BMPR1A: variants seen among roughly 807,000 people sequenced by gnomAD.
BMPR1A encodes bone morphogenetic protein receptor type-1A.
Under a neutral mutation model 66.0 loss-of-function variants are expected in BMPR1A, and 7 were observed. That is an observed-to-expected ratio of 0.11 (90% CI 0.06 to 0.20). The LOEUF (loss-of-function observed/expected upper bound fraction) is 0.20, where lower values mean the gene tolerates loss of function less well. Among genes scored for constraint, BMPR1A ranks in the 10% least tolerant of loss-of-function variants. The pLI is 1.00. For synonymous variants in BMPR1A, 200 were observed against 229.7 expected (o/e 0.87, Z 1.17); for missense variants, 408 against 669.1 (o/e 0.61, Z 4.31).
chr10:86,878,838 T>G (rs1175648436), intron 3 of BMPR1A, among the ~76,000 whole-genome samples: 3 of 152,168 alleles, frequency 2.0e-5, no homozygotes, highest in Non-Finnish European at 4.4e-5. Context: ...GGGCTGGGTG[T>G]GTTGTTCCCC....
chr10:86,915,597 C>T (rs776224484), intron 8 of BMPR1A, among the ~76,000 whole-genome samples: 5 of 152,172 alleles, frequency 3.3e-5, no homozygotes, highest in African/African-American at 1.2e-4. Flanking sequence ...GACGTGGTGG[C>T]AGATGCCTGT....
At chr10:86,854,109 G>A (rs1245219411) in intron 2 of BMPR1A, among the ~76,000 whole-genome samples, 7 of 152,162 alleles carry the variant, frequency 4.6e-5, no homozygotes, top group Admixed American at 2.0e-4. Context: ...CTCTTTCCCA[G>A]GGATGTTCCT....
rs1029814109 is a variant in BMPR1A at position 86,858,291 on chromosome 10, T to C, written c.-152-17576T>C. Among the ~76,000 whole-genome samples, 6 of 152,206 alleles carry C rather than the reference T, an allele frequency of 3.9e-5. No individual in the cohort carries two copies. The South Asian group carries it at 8.3e-4, about 21-fold the overall frequency. ...AAATTTATAATTAATTTAGGAACAGTTGACATACCTTATATTGAAGCTTTC... is the reference window on the plus strand; with the variant it reads ...AAATTTATAATTAATTTAGGAACAGCTGACATACCTTATATTGAAGCTTTC... On this transcript the variant is annotated intron_variant, in intron 2 of 12. Transcript: ENST00000372037.
At chr10:86,922,561 GA>G (rs1455935895) in intron 11 of BMPR1A, among the ~76,000 whole-genome samples, 5 of 152,206 alleles carry the variant, frequency 3.3e-5, no homozygotes, top group Admixed American at 1.3e-4. Context: ...TTATCCCAGT[GA>G]AAGGATACAA....
chr10:86,835,590 G>GTT (rs1842335456), intron 1 of BMPR1A, among the ~76,000 whole-genome samples: 2 of 90,554 alleles, frequency 2.2e-5, no homozygotes, highest in South Asian at 3.2e-4. Flanking sequence ...AAAAAAAAAG[G>GTT]TGTTTTGGCC....
intron 3 of BMPR1A, among the ~76,000 whole-genome samples, chr10:86,887,834 G>A (rs1006221207): frequency 3.3e-5 from 5 of 152,140 alleles, no homozygotes; most frequent in African/African-American, 1.2e-4. Flanking sequence ...TAGCCTTATA[G>A]AGTAAATGAA....
At chr10:86,814,816 T>TA (rs1198837492) in intron 1 of BMPR1A, among the ~76,000 whole-genome samples, 2 of 152,130 alleles carry the variant, frequency 1.3e-5, no homozygotes, top group Non-Finnish European at 2.9e-5. Context: ...GACGGAGTCT[T>TA]ACTCTGTCGC....
At chr10:86,804,233 TG>T (rs1841852793) in intron 1 of BMPR1A, among the ~76,000 whole-genome samples, 4 of 152,164 alleles carry the variant, frequency 2.6e-5, no homozygotes, top group African/African-American at 9.6e-5. Flanking sequence ...TTAGTAGTTT[TG>T]TATCACATAG....
At chr10:86,800,499 C>T (rs1841797037) in intron 1 of BMPR1A, among the ~76,000 whole-genome samples, 1 of 152,204 alleles carries the variant, frequency 6.6e-6, no homozygotes, top group Admixed American at 6.5e-5. Context: ...TCAAGCGATT[C>T]TTCTGCCTCA....
At chr10:86,772,272 A>G (rs1346694570) in intron 1 of BMPR1A, among the ~76,000 whole-genome samples, 1 of 151,826 alleles carries the variant, frequency 6.6e-6, no homozygotes, top group Non-Finnish European at 1.5e-5. Flanking sequence ...CTGGGACTAC[A>G]GGCGTCCTCC....
intron 1 of BMPR1A, among the ~76,000 whole-genome samples, chr10:86,793,365 GTT>G (rs34602581): frequency 7.8e-5 from 11 of 141,558 alleles, no homozygotes; most frequent in Admixed American, 7.0e-5. Flanking sequence ...CTCACTGACA[GTT>G]TTTTTTTTTT....
chr10:86,821,145 T>C (rs1235062977), intron 1 of BMPR1A, among the ~76,000 whole-genome samples: 2 of 152,330 alleles, frequency 1.3e-5, no homozygotes, highest in African/African-American at 4.8e-5. Context: ...TGGCATAACA[T>C]TTGTAGTTAC....
At chr10:86,791,201 C>T (rs1014599954) in intron 1 of BMPR1A, among the ~76,000 whole-genome samples, 3 of 148,726 alleles carry the variant, frequency 2.0e-5, no homozygotes, top group African/African-American at 7.4e-5. Context: ...ATGAGCAAGC[C>T]TTCTCAGTGC....
Position 86,883,549 on chromosome 10 carries a change from C to CAAA in BMPR1A, c.68-6494_68-6492dup, listed in dbSNP as rs71019436. Among the ~76,000 whole-genome samples, 30 of 45,376 alleles carry CAAA rather than the reference C, an allele frequency of 6.6e-4. 2 individuals carry two copies. Among genetic ancestry groups the CAAA allele is most frequent in the East Asian group, 1.7e-3 (2 of 1,190 alleles). The allele number at this position is 45,376 out of a possible 152,430, so 29.8% of individuals were successfully genotyped here. A position where few individuals can be genotyped will look rare whatever the true frequency, so the allele number is the denominator to read the frequency against. On this transcript the variant is annotated intron_variant, in intron 3 of 12. Transcript: ENST00000372037. ...TGGGCGACAGAGCGAGACTCCGTCT[C>CAAA]AAAAAAAAAAAAAAAAAAAAAGACC...
At chr10:86,805,373 C>G (rs1841874201) in intron 1 of BMPR1A, among the ~76,000 whole-genome samples, 1 of 138,066 alleles carries the variant, frequency 7.2e-6, no homozygotes. Context: ...TTCACTCCTA[C>G]CTGTACACAC....
intron 7 of BMPR1A, among the ~76,000 whole-genome samples, chr10:86,907,427 C>T (rs2133508217): frequency 1.3e-5 from 2 of 152,240 alleles, no homozygotes; most frequent in South Asian, 4.1e-4. Context: ...GTGTGGAGGT[C>T]CCTCAAAAAA....
intron 1 of BMPR1A, among the ~76,000 whole-genome samples, chr10:86,772,111 G>A (rs1296327120): frequency 2.0e-5 from 3 of 146,428 alleles, no homozygotes; most frequent in Non-Finnish European, 4.5e-5. Context: ...TTTAATTGGC[G>A]ATGGTCAGAG....
At chr10:86,790,438 G>T (rs1841599152) in intron 1 of BMPR1A, among the ~76,000 whole-genome samples, 3 of 151,636 alleles carry the variant, frequency 2.0e-5, no homozygotes, top group Admixed American at 2.0e-4. Context: ...TGATCCAGCA[G>T]TTCCACTCCT....
At chr10:86,901,863 T>C (rs913677912) in intron 7 of BMPR1A, among the ~76,000 whole-genome samples, 7 of 150,206 alleles carry the variant, frequency 4.7e-5, no homozygotes, top group African/African-American at 1.7e-4. Flanking sequence ...TATATATTAT[T>C]TTATTTATTT....
Sources: gnomAD v4.1 joint callset for allele counts (sites outside exome capture counted in the v4.1 genomes callset) on GRCh38, gnomAD v4.1.1 for gene constraint, MANE v1.5 for transcripts, NCBI Gene and HGNC (gene_info 2026-07-23, HGNC 2026-07-21) for gene names.